The following PHEX variants were observed in gnomAD, a reference collection of about 807,000 sequenced individuals.
The protein encoded by PHEX is phosphate-regulating neutral endopeptidase PHEX.
A neutral mutation model predicts 68.0 loss-of-function variants in PHEX; 16 were observed. The ratio of observed to expected loss-of-function variants is 0.24; its 90% confidence interval spans 0.16 to 0.36. The LOEUF (loss-of-function observed/expected upper bound fraction) is 0.36. Ranked by LOEUF, PHEX falls within the 10% of genes least tolerant of loss-of-function variation. The probability of loss-of-function intolerance (pLI) is 1.00; values close to 1 mark genes in which losing one functional copy is unlikely to be tolerated. For synonymous variants in PHEX, 208 were observed against 205.1 expected (o/e 1.01, Z -0.12); for missense variants, 480 against 575.5 (o/e 0.83, Z 1.70).
At chrX:22,198,275 T>C (rs1003141510) in intron 15 of PHEX, among the ~76,000 whole-genome samples, 137 of 90,277 alleles carry the variant, frequency 1.5e-3, no homozygotes, top group Middle Eastern at 0.01. Context: ...TATATATATA[T>C]ATAAAATGCT....
intron 12 of PHEX, among the ~76,000 whole-genome samples, chrX:22,151,723 A>T (rs1236931107): frequency 2.7e-5 from 3 of 111,642 alleles, no homozygotes; most frequent in Non-Finnish European, 5.6e-5. Context: ...CTGACAGGAG[A>T]GCCTGTCCTC....
intron 12 of PHEX, among the ~76,000 whole-genome samples, chrX:22,144,711 C>T (rs1932608837): frequency 9.6e-6 from 1 of 104,706 alleles, no homozygotes; most frequent in South Asian, 4.5e-4. Flanking sequence ...TGTGCAGTTT[C>T]CTATAATTAT....
chrX:22,073,191 C>T (rs1928982844), intron 3 of PHEX, among the ~76,000 whole-genome samples: 1 of 112,399 alleles, frequency 8.9e-6, no homozygotes, highest in African/African-American at 3.2e-5. Flanking sequence ...GCACTAGAAA[C>T]AAGCTTGATT....
rs773431478 is a variant in PHEX at position 22,229,403 on chromosome X, G to A, written c.2070+1792G>A. ...TTTCTCTACATCCTCTACAGCATCT[G>A]TTGTTTCCTGACTTTTTAATGATCA... On this transcript the variant is annotated intron_variant, in intron 20 of 21. Coordinates refer to ENST00000379374, the MANE Select transcript of PHEX (RefSeq NM_000444.6). 2.9e-3 allele frequency among the ~76,000 whole-genome samples: 319 copies of A among 111,930 alleles called. 2 individuals are homozygous for A. Among genetic ancestry groups the A allele is most frequent in the Non-Finnish European group, 5.0e-3 (265 of 53,177 alleles).
chrX:22,229,492 G>A (rs751117731), intron 20 of PHEX, among the ~76,000 whole-genome samples: 2 of 112,421 alleles, frequency 1.8e-5, no homozygotes, highest in African/African-American at 3.2e-5. Context: ...CTAATGACCA[G>A]TGATGATAAT....
rs1171844847 is a variant in PHEX at position 22,226,490 on chromosome X, C to T, written c.1947C>T (p.Gly649=). 19 of 1,201,645 alleles carry T rather than the reference C, an allele frequency of 1.6e-5. No homozygotes were observed. The South Asian group carries it at 3.0e-4, about 19-fold the overall frequency. ...TLGENIADNG[G]LREAFRAYRK... ...GAGAAAATATTGCTGATAATGGAGGCCTGCGGGAAGCTTTTAGGGTATGCG... is the reference window on the plus strand; with the variant it reads ...GAGAAAATATTGCTGATAATGGAGGTCTGCGGGAAGCTTTTAGGGTATGCG... The change falls in exon 19 of 22, where the codon GGC becomes GGT. Residue 649 remains glycine (G), a synonymous_variant. Coordinates refer to ENST00000379374, the MANE Select transcript of PHEX (RefSeq NM_000444.6).
chrX:22,140,642 C>A (rs112857087), intron 12 of PHEX, among the ~76,000 whole-genome samples: 1 of 109,405 alleles, frequency 9.1e-6, no homozygotes, highest in African/African-American at 3.3e-5. Flanking sequence ...CCACCATGCC[C>A]GGCTAATTTT....
chrX:22,178,291 G>A lies in PHEX; in HGVS notation c.1501G>A (p.Asp501Asn), dbSNP rs373235530. The A allele has an allele frequency of 4.2e-6, 5 of 1,193,808 alleles. No individual in the cohort carries two copies. Among genetic ancestry groups the A allele is most frequent in the African/African-American group, 3.5e-5 (2 of 56,896 alleles). The part of the protein sequence containing the change: ...DLKAIKFSEA[D>N]YFGNVLQTRK... ...TATTCAGATCAAGTTTTCAGAAGCC[G>A]ACTACTTTGGCAACGTCCTACAAAC... Residue 501 changes from aspartate to asparagine, a missense_variant, in exon 14 of 22, where the codon GAC (aspartate) becomes AAC (asparagine). By Grantham distance (23) the Asp-to-Asn change is conservative. Transcript: ENST00000379374.
At chrX:22,216,494 TATTTATTTA>T (rs1935093673) in intron 16 of PHEX, among the ~76,000 whole-genome samples, 1 of 20,937 alleles carries the variant, frequency 4.8e-5, no homozygotes, top group African/African-American at 2.1e-4. Context: ...TTTTTATGCT[TATTTATTTA>T]TTTATTTATT....
At chrX:22,228,336 G>A (rs1935582868) in intron 20 of PHEX, among the ~76,000 whole-genome samples, 1 of 111,747 alleles carries the variant, frequency 8.9e-6, no homozygotes, top group South Asian at 3.7e-4. Context: ...GGGCAAATGT[G>A]TATGAATATG....
At chrX:22,239,106 C>A (rs1936090833) in intron 20 of PHEX, among the ~76,000 whole-genome samples, 2 of 111,766 alleles carry the variant, frequency 1.8e-5, no homozygotes, top group African/African-American at 6.5e-5. Context: ...GAGAGGACCT[C>A]CAGCAAACTC....
At chrX:22,209,744 G>C (rs199763504) in intron 15 of PHEX, among the ~76,000 whole-genome samples, 952 of 68,263 alleles carry the variant, frequency 0.014, 15 homozygotes, top group African/African-American at 0.023. Context: ...TGCTCCCTCT[G>C]CTCCCTCTCC....
rs1412420159 is a variant in PHEX, at chrX:22,248,844, G to T, written c.*891G>T. The T allele has an allele frequency of 2.7e-5, 3 of 110,972 alleles. No individual in the cohort carries two copies. In the East Asian group the frequency reaches 8.5e-4, roughly 32 times the overall value. The allele number at this position is 110,972 out of a possible 1,213,427, so 9.1% of individuals were successfully genotyped here. On this transcript the variant is annotated 3_prime_UTR_variant, in exon 22 of 22. Transcript: ENST00000379374. ...CTTGTTCGTTTCATTACCTTCATAT[G>T]TGTGCATTGTACTGGTTTTGAAATG...
chrX:22,153,375 T>C (rs758925505), intron 12 of PHEX, among the ~76,000 whole-genome samples: 10 of 112,151 alleles, frequency 8.9e-5, no homozygotes, highest in African/African-American at 1.3e-4. Context: ...ACATAATTCA[T>C]AATTTATAGC....
chrX:22,139,280 G>A (rs1182641144), intron 12 of PHEX, among the ~76,000 whole-genome samples: 1 of 111,519 alleles, frequency 9.0e-6, no homozygotes, highest in Admixed American at 9.5e-5. Context: ...GCCTCTGGGA[G>A]GGGAGGCTTT....
At chrX:22,241,472 A>G (rs1936191889) in intron 20 of PHEX, among the ~76,000 whole-genome samples, 1 of 111,489 alleles carries the variant, frequency 9.0e-6, no homozygotes, top group Non-Finnish European at 1.9e-5. Context: ...CCTTCAAAAC[A>G]TCAATGGATC....
intron 11 of PHEX, among the ~76,000 whole-genome samples, chrX:22,130,785 C>G (rs1207616178): frequency 9.1e-6 from 1 of 110,138 alleles, no homozygotes; most frequent in East Asian, 2.9e-4. Flanking sequence ...GCTCTTTGGT[C>G]AGGTCCTGGC....
At chrX:22,185,551 T>C (rs1440779739) in intron 14 of PHEX, among the ~76,000 whole-genome samples, 1 of 111,819 alleles carries the variant, frequency 8.9e-6, no homozygotes, top group Non-Finnish European at 1.9e-5. Flanking sequence ...TAAGCCATTG[T>C]GTTGGGCAAG....
intron 9 of PHEX, among the ~76,000 whole-genome samples, chrX:22,105,425 A>G (rs1930639635): frequency 8.9e-6 from 1 of 112,124 alleles, no homozygotes; most frequent in African/African-American, 3.2e-5. Flanking sequence ...ATTCTGATTC[A>G]GCAGGTCTGG....
Sources: allele counts gnomAD v4.1 joint callset (sites outside exome capture counted in the v4.1 genomes callset), GRCh38; gene constraint gnomAD v4.1.1; transcripts MANE v1.5; gene names NCBI Gene and HGNC (gene_info 2026-07-23, HGNC 2026-07-21).